The following KDM5B variants were observed in gnomAD, a reference collection of about 807,000 sequenced individuals.
The protein encoded by KDM5B is lysine demethylase 5B, also known as lysine-specific demethylase 5B.
Under a neutral mutation model 193.4 loss-of-function variants are expected in KDM5B, and 144 were observed. The ratio of observed to expected loss-of-function variants is 0.74; its 90% CI spans 0.65 to 0.86. The LOEUF is 0.86. Ranked by LOEUF, KDM5B falls within the 40% of genes least tolerant of loss-of-function variation. The probability of loss-of-function intolerance (pLI) is 0.00; values close to 1 mark genes in which losing one functional copy is unlikely to be tolerated. For missense variants in KDM5B, 1,833 were observed against 1,886.9 expected (o/e 0.97, Z 0.53); for synonymous variants, 668 against 682.6 (o/e 0.98, Z 0.33).
intron 20 of KDM5B, among the ~76,000 whole-genome samples, chr1:202,736,819 T>C (rs957440116): frequency 2.6e-5 from 4 of 152,048 alleles, no homozygotes; most frequent in Non-Finnish European, 5.9e-5. Flanking sequence ...TTTTTATATT[T>C]TTAGTAGAGA....
intron 16 of KDM5B, among the ~76,000 whole-genome samples, chr1:202,744,528 A>T (rs1397883538): frequency 2.0e-5 from 3 of 152,216 alleles, no homozygotes; most frequent in Non-Finnish European, 4.4e-5. Flanking sequence ...ACTGCACTCC[A>T]GTCTGGGTGA....
chr1:202,770,927 G>A (rs1258710785), intron 4 of KDM5B, among the ~76,000 whole-genome samples: 1 of 151,976 alleles, frequency 6.6e-6, no homozygotes, highest in East Asian at 1.9e-4. Flanking sequence ...TTTACAAAAG[G>A]GTACCTTTAA....
At chr1:202,735,626 T>G in intron 21 of KDM5B, 39 bp from the exon 22 acceptor site, 1 of 1,586,280 alleles carries the variant, frequency 6.3e-7, no homozygotes, top group Non-Finnish European at 8.6e-7. Flanking sequence ...TAAAATAAAT[T>G]TCAGATAAAG....
At chr1:202,799,558 C>G (rs992734895) in intron 1 of KDM5B, among the ~76,000 whole-genome samples, 1 of 151,332 alleles carries the variant, frequency 6.6e-6, no homozygotes, top group African/African-American at 2.4e-5. Flanking sequence ...AAGGCTGAGG[C>G]AGGAGAATTA....
At position 202,724,523 on chromosome 1, in the gene KDM5B, T is replaced by G. The variant is rs1285281207; in HGVS notation, c.*4513A>C. The G allele has an allele frequency of 6.6e-6, 1 of 152,232 alleles. No homozygotes were observed. Among genetic ancestry groups the G allele is most frequent in the Non-Finnish European group, 1.5e-5 (1 of 68,032 alleles). 9.4% of individuals were successfully genotyped at this position (152,232 alleles called of 1,614,324 possible). ...TGTTGTTCAAATTCTTTATGCATTT[T>G]AAAGAAGCTCAATCAAGCTCACATC... On this transcript the variant is annotated 3_prime_UTR_variant, in exon 27 of 27. Transcript: ENST00000367265.
chr1:202,741,201 T>G (rs114702649), intron 19 of KDM5B, among the ~76,000 whole-genome samples, 166 bp downstream of exon 19: 246 of 152,366 alleles, frequency 1.6e-3, no homozygotes, highest in African/African-American at 5.7e-3. Flanking sequence ...ATTCTTTTAC[T>G]CAGGTCCCAA....
intron 1 of KDM5B, among the ~76,000 whole-genome samples, chr1:202,795,585 AG>A (rs1657810967): frequency 6.6e-6 from 1 of 151,814 alleles, no homozygotes; most frequent in African/African-American, 2.4e-5. Context: ...CCAGAGGCAG[AG>A]GTTGCAGTGA....
rs1247760476 is a variant in KDM5B at position 202,726,220 on chromosome 1, T to A, written c.*2816A>T. 1 of 152,198 alleles carries A rather than the reference T, an allele frequency of 6.6e-6. No homozygotes were observed. Among genetic ancestry groups the A allele is most frequent in the Non-Finnish European group, 1.5e-5 (1 of 68,036 alleles). The allele number at this position is 152,198 out of a possible 1,614,324, so 9.4% of individuals were successfully genotyped here. On this transcript the variant is annotated 3_prime_UTR_variant, in exon 27 of 27. Transcript: ENST00000367265. Reference sequence around the variant, plus strand: ...TTTTCTTAAGCTCTTCACTGGAGAATGAAGCAGGGAAATTCAGGTTTTTAA... The same window carrying A: ...TTTTCTTAAGCTCTTCACTGGAGAAAGAAGCAGGGAAATTCAGGTTTTTAA...
chr1:202,800,320 G>T (rs770905910), intron 1 of KDM5B, among the ~76,000 whole-genome samples: 4 of 151,674 alleles, frequency 2.6e-5, no homozygotes, highest in Admixed American at 6.6e-5. Flanking sequence ...GAGATTACAG[G>T]TGTGAGCCAC....
In KDM5B at chr1:202,749,121, A is replaced by T; in HGVS notation, c.1840T>A (p.Cys614Ser). 1 of 1,605,870 alleles carries T rather than the reference A, an allele frequency of 6.2e-7. No individual in the cohort carries two copies. Among genetic ancestry groups the T allele is most frequent in the Non-Finnish European group, 8.5e-7 (1 of 1,177,748 alleles). The change falls in exon 14 of 27, where the codon TGT (cysteine) becomes AGT (serine). Residue 614 changes from cysteine to serine, a missense_variant. Physicochemically the swap from Cys to Ser is moderately radical, Grantham distance 112 (BLOSUM62 -1). Coordinates refer to ENST00000367265, the MANE Select transcript of KDM5B (RefSeq NM_006618.5). ...TVDWLPLGRQ[C>S]VEHYRLLHRY... Reference sequence around the variant, plus strand: ...TGAAGCAAGCGATAATGCTCCACACACTGTCGGCCTAATGGCAGCTGTATC... The same window carrying T: ...TGAAGCAAGCGATAATGCTCCACACTCTGTCGGCCTAATGGCAGCTGTATC...
Position 202,774,635 on chromosome 1 carries a change from A to G in KDM5B, c.383T>C (p.Leu128Ser). The G allele has an allele frequency of 6.2e-7, 1 of 1,612,578 alleles. No homozygotes were observed. The highest frequency in any genetic ancestry group is 8.5e-7 in the Non-Finnish European group (1 of 1,178,632). Residue 128 changes from leucine (L) to serine (S), a missense_variant, in exon 3 of 27, where the codon TTG (leucine) becomes TCG (serine). Leu to Ser is a moderately radical substitution (Grantham distance 145). Transcript: ENST00000367265. ...TACCTTATTAAGCTGAAATAAGTCC[A>G]AGATCTTCCTCTCCACATGTGGAAT... ...LKIPHVERKILDLFQLNKLVA... is the reference protein window; with the variant it reads ...LKIPHVERKISDLFQLNKLVA...
chr1:202,773,420 TAC>T (rs555311396), intron 3 of KDM5B, 132 bp from the exon 4 acceptor site: 79 of 647,926 alleles, frequency 1.2e-4, no homozygotes, highest in East Asian at 2.2e-4. Flanking sequence ...CATATATATA[TAC>T]ACACACACAC....
rs112590461 is a variant in KDM5B, at chr1:202,758,391, A to G, written c.1197T>C (p.His399=). The change falls in exon 9 of 27, where the codon CAT becomes CAC. Residue 399 remains histidine, a splice_region_variant and synonymous_variant. Transcript: ENST00000367265. ...ATCAAAGCAGTATATATGTACATACATGGACTGGCATGTTGAAGTAATCAG... is the reference window on the plus strand; with the variant it reads ...ATCAAAGCAGTATATATGTACATACGTGGACTGGCATGTTGAAGTAATCAG... The part of the protein sequence containing the change: ...FKSDYFNMPV[H]MVPTELVEKE... 1.9e-6 allele frequency: 3 copies of G among 1,610,560 alleles called. No individual in the cohort carries two copies. The highest frequency in any genetic ancestry group is 1.7e-6 in the Non-Finnish European group (2 of 1,177,460).
intron 1 of KDM5B, among the ~76,000 whole-genome samples, chr1:202,779,847 A>AAAAT (rs1553359838): frequency 2.7e-5 from 4 of 148,054 alleles, no homozygotes; most frequent in African/African-American, 7.4e-5. Flanking sequence ...AAATAAATAA[A>AAAAT]AAATAAAGGA....
chr1:202,792,951 C>T (rs1657698322), intron 1 of KDM5B, among the ~76,000 whole-genome samples: 3 of 151,036 alleles, frequency 2.0e-5, no homozygotes, highest in South Asian at 2.1e-4. Flanking sequence ...GAGCCAAGAC[C>T]GTGCCATTGC....
Position 202,808,087 on chromosome 1 carries a change from G to A in KDM5B, c.204+15C>T, listed in dbSNP as rs12028388. 82,374 of 1,608,634 alleles carry A rather than the reference G, an allele frequency of 0.051. 3,825 individuals carry two copies. The highest frequency in any genetic ancestry group is 0.2 in the East Asian group (8,781 of 44,506). On this transcript the variant is annotated intron_variant, in intron 1 of 26. Transcript: ENST00000367265. ...CCCAGCCACGAGCTGGATCCGGGGT[G>A]CTGGCGTGACTCACCGGCGGCGGCC...
chr1:202,738,476 G>A (rs1427191756), intron 20 of KDM5B, among the ~76,000 whole-genome samples: 1 of 152,172 alleles, frequency 6.6e-6, no homozygotes, highest in East Asian at 1.9e-4. Flanking sequence ...TTGGCTTGCT[G>A]GAGTCAGTCC....
At chr1:202,784,232 G>A (rs1392787303) in intron 1 of KDM5B, among the ~76,000 whole-genome samples, 2 of 152,152 alleles carry the variant, frequency 1.3e-5, no homozygotes, top group African/African-American at 2.4e-5. Flanking sequence ...CTGTCATTTT[G>A]AGATCTGATA....
rs749972784 is a variant in KDM5B, at chr1:202,741,724, TA to T, written c.2590-3del. Reference sequence around the variant, plus strand: ...ATCTTCTACACGATTCAAGAGATCCTAAAAAAAAATACACAGGTTGTTGCAT... The same window carrying T: ...ATCTTCTACACGATTCAAGAGATCCTAAAAAAAATACACAGGTTGTTGCAT... On this transcript the variant is annotated splice_polypyrimidine_tract_variant and splice_region_variant and intron_variant, in intron 18 of 26. Transcript: ENST00000367265. The T allele has an allele frequency of 1.5e-3, 2,202 of 1,489,540 alleles. No individual in the cohort carries two copies. Among genetic ancestry groups the T allele is most frequent in the Admixed American group, 1.8e-3 (97 of 53,198 alleles). 92.3% of individuals were successfully genotyped at this position (1,489,540 alleles called of 1,614,324 possible). A position where few individuals can be genotyped will look rare whatever the true frequency, so the allele number is the denominator to read the frequency against.
Sources: allele counts gnomAD v4.1 joint callset (sites outside exome capture counted in the v4.1 genomes callset), GRCh38; gene constraint gnomAD v4.1.1; transcripts MANE v1.5; gene names NCBI Gene and HGNC (gene_info 2026-07-23, HGNC 2026-07-21).